The following SFMBT2 variants were observed in gnomAD, a reference collection of about 807,000 sequenced individuals.
The protein encoded by SFMBT2 is scm-like with four MBT domains protein 2.
SFMBT2 carries 38 observed loss-of-function variants against 110.1 expected under a neutral mutation model. The observed-to-expected ratio is 0.35, with a 90% CI of 0.27 to 0.45. The LOEUF (loss-of-function observed/expected upper bound fraction) is 0.45, where lower values mean the gene tolerates loss of function less well. Among genes scored for constraint, SFMBT2 ranks in the 20% least tolerant of loss-of-function variants. SFMBT2 has a pLI of 1.00. For synonymous variants in SFMBT2, 425 were observed against 425.4 expected (o/e 1.00, Z 0.01); for missense variants, 1,011 against 1,094.9 (o/e 0.92, Z 1.08).
intron 1 of SFMBT2, among the ~76,000 whole-genome samples, chr10:7,388,385 T>C (rs1845676357): frequency 2.0e-5 from 3 of 151,638 alleles, no homozygotes; most frequent in Admixed American, 2.0e-4. Flanking sequence ...GATGGAGTAT[T>C]TGCTCTTGTT....
At chr10:7,312,603 T>G (rs1032502062) in intron 4 of SFMBT2, among the ~76,000 whole-genome samples, 2 of 152,150 alleles carry the variant, frequency 1.3e-5, no homozygotes, top group Admixed American at 1.3e-4. Flanking sequence ...GAACTGCACA[T>G]AGTCACATAA....
intron 7 of SFMBT2, among the ~76,000 whole-genome samples, chr10:7,250,495 G>C (rs1840770461): frequency 6.6e-6 from 1 of 152,170 alleles, no homozygotes; most frequent in Non-Finnish European, 1.5e-5. Flanking sequence ...TCACTGATGG[G>C]CACTTAGGTT....
chr10:7,187,650 G>C (rs1232968561), intron 16 of SFMBT2, among the ~76,000 whole-genome samples: 3 of 152,184 alleles, frequency 2.0e-5, no homozygotes, highest in Non-Finnish European at 4.4e-5. Flanking sequence ...AATGAATGTT[G>C]AGTGTGGCAC....
chr10:7,196,812 G>C (rs1225122182), intron 15 of SFMBT2, among the ~76,000 whole-genome samples: 2 of 152,174 alleles, frequency 1.3e-5, no homozygotes, highest in Non-Finnish European at 2.9e-5. Flanking sequence ...AGAGTTCCGG[G>C]AAGAGTTTGG....
rs35816107 is a variant in SFMBT2 at position 7,376,727 on chromosome 10, C to CAAAAAAAA, written c.100+5064_100+5071dup. ...AAAAAAAAAAAAAAAGGCCCTCCCA[C>CAAAAAAAA]AAAAAAAAAAAAAAAAAAAAAAAAA... On this transcript the variant is annotated intron_variant, in intron 2 of 20. Coordinates refer to ENST00000397167, the MANE Select transcript of SFMBT2 (RefSeq NM_001387889.1). 2.9e-4 allele frequency among the ~76,000 whole-genome samples: 13 copies of CAAAAAAAA among 44,736 alleles called. 1 individual carries two copies. The highest frequency in any genetic ancestry group is 1.2e-3 in the African/African-American group (12 of 9,810). The allele number at this position is 44,736 out of a possible 152,430, so 29.3% of individuals were successfully genotyped here.
chr10:7,200,478 C>T lies in SFMBT2; in HGVS notation c.1494G>A (p.Pro498=), dbSNP rs144163976. The change falls in exon 14 of 21, where the codon CCG becomes CCA. Residue 498 remains proline, a synonymous_variant. Coordinates refer to ENST00000397167, the MANE Select transcript of SFMBT2 (RefSeq NM_001387889.1). The stretch of plus-strand genomic sequence containing the variant: ...GTATTTTCTTAACAGGCACTGTGGG[C>T]GGCAATCTGTCAACAGAGAAAATAA... ...IAVVQPEKQL[P]PTVPVKKIPH... is the part of the protein sequence containing the mutation. 6.3e-6 allele frequency: 10 copies of T among 1,598,110 alleles called. No homozygotes were observed. The highest frequency in any genetic ancestry group is 5.2e-5 in the Admixed American group (3 of 57,778).
chr10:7,243,438 TCTA>T (rs1840500940), intron 9 of SFMBT2, 117 bp downstream of exon 9: 1 of 694,540 alleles, frequency 1.4e-6, no homozygotes, highest in African/African-American at 1.8e-5. Context: ...ACGCCCTATT[TCTA>T]CTACATCTAA....
intron 1 of SFMBT2, among the ~76,000 whole-genome samples, chr10:7,384,211 C>CAAAAAAAAAAAAAAAAAAA: frequency 3.6e-5 from 1 of 27,976 alleles, no homozygotes; most frequent in Non-Finnish European, 5.5e-5. Flanking sequence ...AACTCCATCT[C>CAAAAAAAAAAAAAAAAAAA]AAAAAAAAAA....
chr10:7,370,990 C>CT lies in SFMBT2; in HGVS notation c.101-616dup, dbSNP rs372730406. 385 of 155,004 alleles carry CT rather than the reference C, an allele frequency of 2.5e-3. 1 individual carries two copies. Among genetic ancestry groups the CT allele is most frequent in the African/African-American group, 9.0e-3 (375 of 41,592 alleles). 9.6% of individuals were successfully genotyped at this position (155,004 alleles called of 1,614,324 possible). ...ACTCTTACCTACTGCCGGGACACAG[C>CT]TGTTGGGGCCCGACACTCCGGCAGA... On this transcript the variant is annotated intron_variant, in intron 2 of 20. Transcript: ENST00000397167.
At chr10:7,167,999 C>T (rs1435703664) in intron 20 of SFMBT2, among the ~76,000 whole-genome samples, 1 of 151,038 alleles carries the variant, frequency 6.6e-6, no homozygotes, top group African/African-American at 2.4e-5. Flanking sequence ...ACCCGGGAGG[C>T]GGAGGTTGCA....
intron 4 of SFMBT2, among the ~76,000 whole-genome samples, chr10:7,302,852 ACTCT>A (rs756683974): frequency 3.3e-5 from 5 of 152,018 alleles, no homozygotes; most frequent in Non-Finnish European, 7.4e-5. Flanking sequence ...TGACTCCCTC[ACTCT>A]CTCTCTCTTT....
Position 7,296,206 on chromosome 10 carries a change from C to G in SFMBT2, c.437-10252G>C, listed in dbSNP as rs909250015. ...CCAGTCCTTCTCTAGCTGCCAATAG[C>G]TCACTTTCACAGATGTTACTGCTCC... is the stretch of plus-strand genomic sequence containing the variant. On this transcript the variant is annotated intron_variant, in intron 4 of 20. Coordinates refer to ENST00000397167, the MANE Select transcript of SFMBT2 (RefSeq NM_001387889.1). Among the ~76,000 whole-genome samples the G allele has an allele frequency of 3.3e-5, 5 of 152,354 alleles. No individual in the cohort carries two copies. The East Asian group carries it at 7.7e-4, about 23-fold the overall frequency.
At chr10:7,250,660 T>C (rs969643452) in intron 7 of SFMBT2, among the ~76,000 whole-genome samples, 1 of 152,218 alleles carries the variant, frequency 6.6e-6, no homozygotes, top group African/African-American at 2.4e-5. Context: ...ATCTCAAAAC[T>C]GCTTTCACAG....
At chr10:7,370,775 T>C in intron 2 of SFMBT2, 1 of 951,514 alleles carries the variant, frequency 1.1e-6, no homozygotes, top group Non-Finnish European at 1.3e-6. Flanking sequence ...TGATGTAGGC[T>C]GTGATGTATA....
intron 7 of SFMBT2, among the ~76,000 whole-genome samples, chr10:7,254,082 A>C (rs1840911945): frequency 6.6e-6 from 1 of 152,228 alleles, no homozygotes; most frequent in Non-Finnish European, 1.5e-5. Context: ...AAAAAACATG[A>C]AAGATATCCA....
chr10:7,286,057 T>C (rs925223963), intron 4 of SFMBT2, 103 bp from the exon 5 acceptor site: 6 of 686,506 alleles, frequency 8.7e-6, no homozygotes, highest in African/African-American at 5.4e-5. Context: ...GTTTTCTCCA[T>C]GTAGGTTTGA....
intron 2 of SFMBT2, among the ~76,000 whole-genome samples, chr10:7,376,727 C>CAAAAA (rs35816107): frequency 6.0e-4 from 27 of 44,734 alleles, no homozygotes; most frequent in African/African-American, 1.4e-3. Flanking sequence ...GGCCCTCCCA[C>CAAAAA]AAAAAAAAAA....
intron 16 of SFMBT2, among the ~76,000 whole-genome samples, chr10:7,177,352 C>G (rs1042883438): frequency 1.3e-5 from 2 of 152,124 alleles, no homozygotes; most frequent in African/African-American, 2.4e-5. Context: ...TTAAATCTCC[C>G]CCCGCCCCCC....
chr10:7,280,965 G>C (rs1027698384), intron 6 of SFMBT2, among the ~76,000 whole-genome samples: 1 of 152,202 alleles, frequency 6.6e-6, no homozygotes, highest in African/African-American at 2.4e-5. Flanking sequence ...CAAGGGCCAC[G>C]TGGAGTGGTT....
Sources: gnomAD v4.1 joint callset for allele counts (sites outside exome capture counted in the v4.1 genomes callset) on GRCh38, gnomAD v4.1.1 for gene constraint, MANE v1.5 for transcripts, NCBI Gene and HGNC (gene_info 2026-07-23, HGNC 2026-07-21) for gene names.